The following ZNF536 variants were observed in gnomAD, a reference collection of about 807,000 sequenced individuals.
ZNF536 encodes zinc finger protein 536.
In ZNF536, 13 loss-of-function variants were observed where a neutral mutation model predicts 84.5. That is an observed-to-expected ratio of 0.15 (90% confidence interval 0.10 to 0.24). ZNF536 has a LOEUF of 0.24. Ranked by LOEUF, ZNF536 falls within the 10% of genes least tolerant of loss-of-function variation. The probability of loss-of-function intolerance (pLI) is 1.00; values close to 1 mark genes in which losing one functional copy is unlikely to be tolerated. For synonymous variants in ZNF536, 811 were observed against 742.5 expected (o/e 1.09, Z -1.50); for missense variants, 1,536 against 1,747.5 (o/e 0.88, Z 2.16).
chr19:30,264,690 G>C (rs887164461), intron 1 of ZNF536, among the ~76,000 whole-genome samples: 3 of 152,080 alleles, frequency 2.0e-5, no homozygotes, highest in African/African-American at 7.2e-5. Context: ...TGGTGAGCAC[G>C]TCTCACAGGG....
chr19:30,670,045 C>T (rs897048061), intron 1 of ZNF536, among the ~76,000 whole-genome samples: 1 of 152,208 alleles, frequency 6.6e-6, no homozygotes, highest in Non-Finnish European at 1.5e-5. Flanking sequence ...CTCATCCTGC[C>T]CAGGTGGGAG....
At chr19:30,660,961 T>A (rs1860328526) in intron 1 of ZNF536, among the ~76,000 whole-genome samples, 1 of 152,234 alleles carries the variant, frequency 6.6e-6, no homozygotes, top group South Asian at 2.1e-4. Context: ...TTTCGTTTTG[T>A]GCAAACATTG....
At chr19:30,664,886 G>A (rs1024699973) in intron 1 of ZNF536, among the ~76,000 whole-genome samples, 3 of 152,114 alleles carry the variant, frequency 2.0e-5, no homozygotes, top group African/African-American at 4.8e-5. Context: ...TCTTTAGCCC[G>A]GCAACTTTTC....
chr19:30,567,103 G>T lies in ZNF536; in HGVS notation c.169+17589G>T, dbSNP rs373749883. ...GGCCACTCAGCTGCCTCACCTTGCG[G>T]GTGCTTTTCTGTGCCTTTAATACAC... On this transcript the variant is annotated intron_variant, in intron 1 of 1. Transcript: ENST00000592773. 3.5e-4 allele frequency among the ~76,000 whole-genome samples: 54 copies of T among 152,354 alleles called. No individual in the cohort carries two copies. In the South Asian group the frequency reaches 9.8e-3, roughly 28 times the overall value.
In ZNF536 at chr19:30,378,915, G is replaced by A. The variant is rs1301485805; in HGVS notation, c.-3+6359G>A. Among the ~76,000 whole-genome samples, 8 of 152,288 alleles carry A rather than the reference G, an allele frequency of 5.3e-5. No individual in the cohort carries two copies. The South Asian group carries it at 1.2e-3, about 24-fold the overall frequency. On this transcript the variant is annotated intron_variant, in intron 1 of 4. Coordinates refer to ENST00000355537, the MANE Select transcript of ZNF536 (RefSeq NM_014717.3). ...GCCAGTGCTGGAGGGACAAAGGTGT[G>A]GGCCTGTGTCTTGTCTCTCCCAAAG... is the stretch of plus-strand genomic sequence containing the variant.
At chr19:30,259,035 T>A (rs192231878) in intron 1 of ZNF536, among the ~76,000 whole-genome samples, 1,727 of 152,284 alleles carry the variant, frequency 0.011, 30 homozygotes, top group African/African-American at 0.039. Flanking sequence ...TTTATTTTTT[T>A]ATTATTGCAT....
intron 2 of ZNF536, among the ~76,000 whole-genome samples, chr19:30,534,426 T>A (rs1423438113): frequency 6.6e-6 from 1 of 152,228 alleles, no homozygotes. Flanking sequence ...TTTTTTTAAT[T>A]TGTTGCTTGC....
At chr19:30,270,657 CCATCGGTAT>C (rs2025778695) in intron 1 of ZNF536, among the ~76,000 whole-genome samples, 1 of 151,992 alleles carries the variant, frequency 6.6e-6, no homozygotes, top group South Asian at 2.1e-4. Context: ...GGTGAATTAT[CCATCGGTAT>C]CATCTGACTG....
intron 1 of ZNF536, among the ~76,000 whole-genome samples, chr19:30,604,277 CT>C (rs551271418): frequency 6.6e-5 from 10 of 151,552 alleles, no homozygotes; most frequent in African/African-American, 2.2e-4. Context: ...TGTTATTAAG[CT>C]TTTTTTTAAG....
chr19:30,491,231 G>A (rs539496133), intron 2 of ZNF536, among the ~76,000 whole-genome samples: 3 of 152,200 alleles, frequency 2.0e-5, no homozygotes, highest in East Asian at 1.9e-4. Context: ...TAAGAGAAGC[G>A]ACTTTCAGAA....
At chr19:30,458,965 A>G (rs2148400359) in intron 2 of ZNF536, among the ~76,000 whole-genome samples, 1 of 152,294 alleles carries the variant, frequency 6.6e-6, no homozygotes, top group South Asian at 2.1e-4. Flanking sequence ...TGAGTGTGTT[A>G]ACTGTGGCCG....
At chr19:30,309,965 CA>C (rs1446042151) in intron 2 of ZNF536, among the ~76,000 whole-genome samples, 1 of 151,942 alleles carries the variant, frequency 6.6e-6, no homozygotes, top group Admixed American at 6.6e-5. Context: ...GGGGCAGGGA[CA>C]AGTGGGAAGG....
chr19:30,239,901 G>T (rs1406912269), intron 1 of ZNF536, among the ~76,000 whole-genome samples: 6 of 152,190 alleles, frequency 3.9e-5, no homozygotes, highest in African/African-American at 1.4e-4. Flanking sequence ...GTGAGGCAAG[G>T]TTGCCTTTCA....
intron 1 of ZNF536, among the ~76,000 whole-genome samples, chr19:30,256,946 T>A (rs2024946366): frequency 1.3e-5 from 2 of 152,186 alleles, no homozygotes; most frequent in Non-Finnish European, 2.9e-5. Flanking sequence ...TCAATCAAGA[T>A]CCAAAACTAA....
At chr19:30,399,261 G>T (rs1420823552) in intron 1 of ZNF536, among the ~76,000 whole-genome samples, 1 of 151,926 alleles carries the variant, frequency 6.6e-6, no homozygotes, top group Non-Finnish European at 1.5e-5. Context: ...TTTTCATGGG[G>T]TTGTTTTTTT....
intron 2 of ZNF536, among the ~76,000 whole-genome samples, chr19:30,471,902 A>G (rs2053650297): frequency 6.6e-6 from 1 of 152,100 alleles, no homozygotes; most frequent in African/African-American, 2.4e-5. Flanking sequence ...CAGTGCTCAA[A>G]GCAGCATTTT....
At chr19:30,234,396 CCTT>C (rs1254078485) in intron 1 of ZNF536, among the ~76,000 whole-genome samples, 2 of 102,790 alleles carry the variant, frequency 1.9e-5, no homozygotes, top group African/African-American at 8.3e-5. Flanking sequence ...TAGGCTCCTT[CCTT>C]TTTTTTTTTT....
intron 1 of ZNF536, among the ~76,000 whole-genome samples, chr19:30,697,846 T>A (rs901818755): frequency 2.0e-5 from 3 of 152,228 alleles, no homozygotes; most frequent in Non-Finnish European, 4.4e-5. Context: ...TCAACAGAAG[T>A]TAAGTATTAC....
intron 2 of ZNF536, among the ~76,000 whole-genome samples, chr19:30,465,843 C>T (rs1010426242): frequency 6.6e-6 from 1 of 152,046 alleles, no homozygotes; most frequent in Non-Finnish European, 1.5e-5. Context: ...CTCCACCTCC[C>T]AGGTTCATGC....
Sources: gnomAD v4.1 joint callset for allele counts (sites outside exome capture counted in the v4.1 genomes callset) on GRCh38, gnomAD v4.1.1 for gene constraint, MANE v1.5 for transcripts, NCBI Gene and HGNC (gene_info 2026-07-23, HGNC 2026-07-21) for gene names.